TBC1D4: variants seen among roughly 807,000 people sequenced by gnomAD.
TBC1D4 encodes TBC1 domain family member 4.
Under a neutral mutation model 142.5 loss-of-function variants are expected in TBC1D4, and 121 were observed. That is an observed-to-expected ratio of 0.85 (90% CI 0.73 to 0.99). The LOEUF is 0.99. TBC1D4 is among the 50% of genes least tolerant of loss of function. The pLI is 0.00. For synonymous variants in TBC1D4, 630 were observed against 628.2 expected (o/e 1.00, Z -0.04); for missense variants, 1,475 against 1,606.6 (o/e 0.92, Z 1.40).
At chr13:75,457,105 GATA>G (rs1193171077) in intron 1 of TBC1D4, among the ~76,000 whole-genome samples, 3 of 152,078 alleles carry the variant, frequency 2.0e-5, no homozygotes, top group Non-Finnish European at 4.4e-5. Flanking sequence ...CAGAAATCAG[GATA>G]ATGATTTCTA....
chr13:75,340,242 T>C (rs1351373282), intron 7 of TBC1D4, among the ~76,000 whole-genome samples: 1 of 152,226 alleles, frequency 6.6e-6, no homozygotes, highest in Non-Finnish European at 1.5e-5. Flanking sequence ...CAATATGTGA[T>C]TTGTTCTGAA....
rs545844694 is a variant in TBC1D4, at chr13:75,361,624, C to T, written c.1080+402G>A. On this transcript the variant is annotated intron_variant, in intron 2 of 20. Coordinates refer to ENST00000377636, the MANE Select transcript of TBC1D4 (RefSeq NM_014832.5). ...GGAACTCCTGACCTCAAGTAATCCGCGTACCTTGGCCTCCCAAGGTGCCGG... is the reference window on the plus strand; with the variant it reads ...GGAACTCCTGACCTCAAGTAATCCGTGTACCTTGGCCTCCCAAGGTGCCGG... 2.8e-3 allele frequency among the ~76,000 whole-genome samples: 433 copies of T among 152,294 alleles called. 5 individuals are homozygous for T. The highest frequency in any genetic ancestry group is 9.5e-3 in the African/African-American group (397 of 41,572).
At position 75,422,212 on chromosome 13, in the gene TBC1D4, T is replaced by C. The variant is rs578033859; in HGVS notation, c.498+59058A>G. Among the ~76,000 whole-genome samples the C allele has an allele frequency of 2.6e-5, 4 of 152,158 alleles. No individual in the cohort carries two copies. The South Asian group carries it at 8.3e-4, about 32-fold the overall frequency. ...AAAGATGAGTTCATCTGCCCCTCAG[T>C]CTCATGGAGTTCCTTGTCATTTTGA... is the stretch of plus-strand genomic sequence containing the variant. On this transcript the variant is annotated intron_variant, in intron 1 of 20. Coordinates refer to ENST00000377636, the MANE Select transcript of TBC1D4 (RefSeq NM_014832.5).
chr13:75,292,497 C>T (rs1432307720), intron 18 of TBC1D4, among the ~76,000 whole-genome samples: 3 of 151,848 alleles, frequency 2.0e-5, no homozygotes, highest in Non-Finnish European at 2.9e-5. Context: ...TAAAAAAGGA[C>T]AAAGTATATA....
In TBC1D4 at chr13:75,327,794, A is replaced by G. The variant is rs368579228; in HGVS notation, c.1764T>C (p.Ser588=). 6 of 1,613,894 alleles carry G rather than the reference A, an allele frequency of 3.7e-6. No individual in the cohort carries two copies. In the African/African-American group the frequency reaches 8.0e-5, roughly 22 times the overall value. ...GANRMRGRLG[S]VDSFERSNSL... ...TGTTGGACCGTTCAAAACTGTCCACACTTCCAAGCCGACCTCTCATTCTGT... is the reference window on the plus strand; with the variant it reads ...TGTTGGACCGTTCAAAACTGTCCACGCTTCCAAGCCGACCTCTCATTCTGT... Residue 588 remains serine, a synonymous_variant, in exon 9 of 21, where the codon AGT becomes AGC. Coordinates refer to ENST00000377636, the MANE Select transcript of TBC1D4 (RefSeq NM_014832.5).
At chr13:75,410,977 A>G (rs960189878) in intron 1 of TBC1D4, among the ~76,000 whole-genome samples, 2 of 149,362 alleles carry the variant, frequency 1.3e-5, no homozygotes, top group Non-Finnish European at 3.0e-5. Flanking sequence ...TTCTAAGTGC[A>G]GACATAAAAT....
intron 10 of TBC1D4, among the ~76,000 whole-genome samples, chr13:75,325,409 GTT>G (rs1879141573): frequency 6.7e-6 from 1 of 148,944 alleles, no homozygotes; most frequent in African/African-American, 2.5e-5. Context: ...TTTACATCGA[GTT>G]GTGTTTTTTT....
intron 1 of TBC1D4, among the ~76,000 whole-genome samples, chr13:75,410,144 A>C: frequency 6.6e-6 from 1 of 152,202 alleles, no homozygotes; most frequent in Non-Finnish European, 1.5e-5. Context: ...TGCTCATGAT[A>C]ATCACTCAAT....
chr13:75,449,334 C>T (rs1177771547), intron 1 of TBC1D4, among the ~76,000 whole-genome samples: 1 of 151,444 alleles, frequency 6.6e-6, no homozygotes, highest in African/African-American at 2.4e-5. Context: ...CTTATACGTA[C>T]ATACCTATGA....
chr13:75,308,766 CA>C (rs1301259471), intron 14 of TBC1D4, among the ~76,000 whole-genome samples: 1 of 152,138 alleles, frequency 6.6e-6, no homozygotes, highest in African/African-American at 2.4e-5. Context: ...GACCATTTAT[CA>C]AACTGAACTT....
intron 1 of TBC1D4, among the ~76,000 whole-genome samples, chr13:75,381,511 T>C (rs1195268833): frequency 1.3e-5 from 2 of 152,174 alleles, no homozygotes; most frequent in Admixed American, 6.5e-5. Flanking sequence ...AGAAACTGCT[T>C]CAAACTGTTG....
intron 1 of TBC1D4, among the ~76,000 whole-genome samples, chr13:75,406,172 G>A (rs2138372465): frequency 6.6e-6 from 1 of 152,322 alleles, no homozygotes; most frequent in South Asian, 2.1e-4. Context: ...AAGCTGACTT[G>A]ACACACATAT....
At chr13:75,424,057 G>A (rs1410757568) in intron 1 of TBC1D4, among the ~76,000 whole-genome samples, 5 of 152,160 alleles carry the variant, frequency 3.3e-5, no homozygotes, top group African/African-American at 1.2e-4. Flanking sequence ...GGCACAAGGA[G>A]TGCAAGACCA....
chr13:75,469,289 C>T (rs1043508948), intron 1 of TBC1D4, among the ~76,000 whole-genome samples: 1 of 152,124 alleles, frequency 6.6e-6, no homozygotes, highest in African/African-American at 2.4e-5. Flanking sequence ...GCATATTATT[C>T]TGAATGCAAG....
At chr13:75,481,200 G>T in intron 1 of TBC1D4, 70 bp downstream of exon 1, 1 of 633,010 alleles carries the variant, frequency 1.6e-6, no homozygotes. Flanking sequence ...TGGGGTCCCC[G>T]CCCCTCCCGC....
chr13:75,479,057 T>G (rs1284525297), intron 1 of TBC1D4, among the ~76,000 whole-genome samples: 1 of 152,236 alleles, frequency 6.6e-6, no homozygotes, highest in Non-Finnish European at 1.5e-5. Context: ...ACGCTAGACT[T>G]GCATCCTATT....
At chr13:75,481,212 C>CCGG in intron 1 of TBC1D4, 58 bp downstream of exon 1, 3 of 1,487,002 alleles carry the variant, frequency 2.0e-6, no homozygotes, top group Non-Finnish European at 1.8e-6. Context: ...CCCTCCCGCC[C>CCGG]TGCTCCCCGA....
chr13:75,351,652 G>C, intron 4 of TBC1D4, among the ~76,000 whole-genome samples: 1 of 141,492 alleles, frequency 7.1e-6, no homozygotes, highest in East Asian at 2.1e-4. Context: ...TCCCACCTAT[G>C]AGTGAGAACA....
intron 1 of TBC1D4, among the ~76,000 whole-genome samples, chr13:75,423,066 T>C (rs1886233805): frequency 6.6e-6 from 1 of 152,182 alleles, no homozygotes. Flanking sequence ...AATGATGCGA[T>C]ACCAGAGTTA....
Sources: allele counts gnomAD v4.1 joint callset (sites outside exome capture counted in the v4.1 genomes callset), GRCh38; gene constraint gnomAD v4.1.1; transcripts MANE v1.5; gene names NCBI Gene and HGNC (gene_info 2026-07-23, HGNC 2026-07-21).